The following PKD1L3 variants were observed in gnomAD, a reference collection of about 807,000 sequenced individuals.
PKD1L3 encodes the protein polycystin-1-like protein 3.
In PKD1L3, 239 loss-of-function variants were observed where a neutral mutation model predicts 184.1. The observed-to-expected ratio is 1.30, with a 90% CI of 1.17 to 1.45. PKD1L3 has a LOEUF of 1.45. Among genes scored for constraint, PKD1L3 ranks in the 40% most tolerant of loss-of-function variants. The pLI, the probability that PKD1L3 is intolerant of heterozygous loss-of-function variation, is 0.00. For missense variants in PKD1L3, 2,660 were observed against 2,067.2 expected, an observed-to-expected ratio of 1.29 and a Z score of -5.56; for synonymous variants, 996 against 778.8, an observed-to-expected ratio of 1.28 and a Z score of -4.64.
intron 15 of PKD1L3, among the ~76,000 whole-genome samples, chr16:71,964,297 T>C (rs2039405021): frequency 6.8e-6 from 1 of 146,008 alleles, no homozygotes; most frequent in African/African-American, 2.5e-5. Context: ...CTTAAATTTC[T>C]CTCGTCAAAA....
In PKD1L3 at chr16:71,968,889, C is replaced by T. The variant is rs929525886; in HGVS notation, c.2185-882G>A. 4.6e-5 allele frequency among the ~76,000 whole-genome samples: 7 copies of T among 151,512 alleles called. 1 individual carries two copies. The highest frequency in any genetic ancestry group is 1.7e-4 in the African/African-American group (7 of 41,198). On this transcript the variant is annotated intron_variant, in intron 13 of 29. Transcript: ENST00000620267. Reference sequence around the variant, plus strand: ...GGGATTATAGGCGTGAGCCACTTCACCCAGCCAGTTACATTAAGTTACAAT... The same window carrying T: ...GGGATTATAGGCGTGAGCCACTTCATCCAGCCAGTTACATTAAGTTACAAT...
intron 29 of PKD1L3, 58 bp downstream of exon 29, chr16:71,929,994 T>TA: frequency 6.7e-7 from 1 of 1,495,776 alleles, no homozygotes; most frequent in Non-Finnish European, 9.0e-7. Context: ...TAGGGGCAGT[T>TA]ACAGTGGAGC....
At chr16:71,994,581 C>T (rs2040713984) in intron 2 of PKD1L3, among the ~76,000 whole-genome samples, 1 of 152,154 alleles carries the variant, frequency 6.6e-6, no homozygotes, top group Non-Finnish European at 1.5e-5. Context: ...CTTATATTGG[C>T]CTCATGAACT....
Position 71,982,088 on chromosome 16 carries a change from A to T in PKD1L3, c.1114T>A (p.Trp372Arg), listed in dbSNP as rs907924675. The change falls in exon 7 of 30, where the codon TGG (tryptophan) becomes AGG (arginine). Residue 372 changes from tryptophan (W) to arginine (R), a missense_variant. Physicochemically the swap from Trp to Arg is moderately radical, Grantham distance 101. Coordinates refer to ENST00000620267, the MANE Select transcript of PKD1L3 (RefSeq NM_181536.2). ...NNVTKAGEGS[W>R]LESKRHTEPV... ...TCAGTATGACGCTTGGATTCCAGCC[A>T]ACTTCCTTCTCCAGCTTTGGTGACA... is the stretch of plus-strand genomic sequence containing the variant. 1.9e-6 allele frequency: 3 copies of T among 1,550,216 alleles called. No individual in the cohort carries two copies. The highest frequency in any genetic ancestry group is 2.6e-6 in the Non-Finnish European group (3 of 1,146,462).
At chr16:71,999,572 A>T in intron 1 of PKD1L3, 112 bp downstream of exon 1, 1 of 1,054,624 alleles carries the variant, frequency 9.5e-7, no homozygotes, top group Non-Finnish European at 1.3e-6. Flanking sequence ...AAGTAAAGTG[A>T]CTGGTTTTTC....
intron 4 of PKD1L3, among the ~76,000 whole-genome samples, chr16:71,988,995 G>T (rs755512027): frequency 6.6e-6 from 1 of 152,098 alleles, no homozygotes; most frequent in Non-Finnish European, 1.5e-5. Context: ...TTTAAGAAAC[G>T]GTACCAAGGT....
chr16:71,995,153 T>C (rs962232200), intron 2 of PKD1L3, among the ~76,000 whole-genome samples: 3 of 152,098 alleles, frequency 2.0e-5, no homozygotes, highest in South Asian at 2.1e-4. Context: ...CACTTGGAGT[T>C]GGGGGAAGGC....
In PKD1L3 at chr16:71,999,849, A is replaced by G. The variant is rs2055705629; in HGVS notation, c.130T>C (p.Phe44Leu). ...TGACAGTAATGCTGTGCTTCCTCAAAGCTGCATTGAAATCTGTTAAGCTGG... is the reference window on the plus strand; with the variant it reads ...TGACAGTAATGCTGTGCTTCCTCAAGGCTGCATTGAAATCTGTTAAGCTGG... ...CYQLNRFQCS[F>L]EEAQHYCHVQ... Residue 44 changes from phenylalanine (F) to leucine (L), a missense_variant, in exon 1 of 30, where the codon TTT becomes CTT. Coordinates refer to ENST00000620267, the MANE Select transcript of PKD1L3 (RefSeq NM_181536.2). 1 of 1,551,610 alleles carries G rather than the reference A, an allele frequency of 6.4e-7. No individual in the cohort carries two copies. The highest frequency in any genetic ancestry group is 1.4e-5 in the African/African-American group (1 of 73,030).
chr16:71,982,904 T>C (rs1361278069), intron 6 of PKD1L3, among the ~76,000 whole-genome samples: 2 of 152,158 alleles, frequency 1.3e-5, no homozygotes, highest in African/African-American at 4.8e-5. Context: ...ATGATTATTT[T>C]CAATTTGCAT....
At chr16:71,975,380 A>C (rs1373716302) in intron 11 of PKD1L3, among the ~76,000 whole-genome samples, 3 of 152,084 alleles carry the variant, frequency 2.0e-5, no homozygotes, top group African/African-American at 7.2e-5. Flanking sequence ...CTGTAATGTT[A>C]TGTCTCAGAA....
Position 71,944,014 on chromosome 16 carries a change from C to T in PKD1L3, c.3859+16G>A, listed in dbSNP as rs1455499213. ...AGGTGCTGTGTTATCAGTATGTTGC[C>T]ATTTCCTCTCCATACCCAAAATATC... On this transcript the variant is annotated intron_variant, in intron 23 of 29. Transcript: ENST00000620267. 29 of 1,548,302 alleles carry T rather than the reference C, an allele frequency of 1.9e-5. No homozygotes were observed. Among genetic ancestry groups the T allele is most frequent in the Non-Finnish European group, 2.3e-5 (26 of 1,145,726 alleles).
At chr16:71,932,152 G>C (rs2037997539) in intron 28 of PKD1L3, among the ~76,000 whole-genome samples, 1 of 152,194 alleles carries the variant, frequency 6.6e-6, no homozygotes, top group Non-Finnish European at 1.5e-5. Context: ...TACAACATTA[G>C]AAACTGAACC....
chr16:71,983,239 C>T (rs551357826), intron 6 of PKD1L3, among the ~76,000 whole-genome samples: 5 of 151,776 alleles, frequency 3.3e-5, no homozygotes, highest in South Asian at 2.1e-4. Flanking sequence ...CTCCACCTTC[C>T]GGGCTCAAAC....
At chr16:71,977,645 C>T (rs924466817) in intron 10 of PKD1L3, among the ~76,000 whole-genome samples, 178 bp from the exon 11 acceptor site, 1 of 150,652 alleles carries the variant, frequency 6.6e-6, no homozygotes, top group Non-Finnish European at 1.5e-5. Context: ...AATCCTCCCG[C>T]TTCAGTCTCT....
rs1302324851 is a variant in PKD1L3 at position 71,934,231 on chromosome 16, T to C, written c.4614-106A>G. The C allele has an allele frequency of 4.8e-6, 5 of 1,039,506 alleles. No homozygotes were observed. In the African/African-American group the frequency reaches 6.3e-5, roughly 13 times the overall value. The allele number at this position is 1,039,506 out of a possible 1,614,324, so 64.4% of individuals were successfully genotyped here. A position where few individuals can be genotyped will look rare whatever the true frequency, so the allele number is the denominator to read the frequency against. On this transcript the variant is annotated intron_variant, in intron 26 of 29. Coordinates refer to ENST00000620267, the MANE Select transcript of PKD1L3 (RefSeq NM_181536.2). Reference sequence around the variant, plus strand: ...CGTGGCAGCCCTGAGTCCTGTGAGGTCAAATGCTTGTTGATGTGAGAACTG... The same window carrying C: ...CGTGGCAGCCCTGAGTCCTGTGAGGCCAAATGCTTGTTGATGTGAGAACTG...
rs1403243070 is a variant in PKD1L3, at chr16:71,982,957, C to T, written c.967-722G>A. On this transcript the variant is annotated intron_variant, in intron 6 of 29. Coordinates refer to ENST00000620267, the MANE Select transcript of PKD1L3 (RefSeq NM_181536.2). ...TAATATTCGTTATACATTTCAAATG[C>T]ATTTTATAAAAAAAAAGTTACAATT... 2.0e-5 allele frequency among the ~76,000 whole-genome samples: 3 copies of T among 151,992 alleles called. No homozygotes were observed. In the East Asian group the frequency reaches 5.8e-4, roughly 29 times the overall value.
chr16:71,999,259 A>T (rs2040891242), intron 1 of PKD1L3, among the ~76,000 whole-genome samples: 1 of 146,904 alleles, frequency 6.8e-6, no homozygotes, highest in Admixed American at 7.1e-5. Flanking sequence ...CGACAGAGCG[A>T]GACTCCATCT....
At chr16:71,945,560 C>CACAGCT (rs1265935799) in intron 22 of PKD1L3, among the ~76,000 whole-genome samples, 1 of 151,612 alleles carries the variant, frequency 6.6e-6, no homozygotes, top group Non-Finnish European at 1.5e-5. Context: ...CACCTGTAAT[C>CACAGCT]ACAGCTACTC....
At chr16:71,992,397 T>C (rs1048436302) in intron 3 of PKD1L3, among the ~76,000 whole-genome samples, 2 of 152,226 alleles carry the variant, frequency 1.3e-5, no homozygotes, top group African/African-American at 2.4e-5. Flanking sequence ...TAAAGCCACA[T>C]GTTACGTAAG....
Sources: allele counts gnomAD v4.1 joint callset (sites outside exome capture counted in the v4.1 genomes callset), GRCh38; gene constraint gnomAD v4.1.1; transcripts MANE v1.5; gene names NCBI Gene and HGNC (gene_info 2026-07-23, HGNC 2026-07-21).